The following MAD2L2 variants were observed in gnomAD, a reference collection of about 807,000 sequenced individuals.
MAD2L2 encodes the protein mitotic spindle assembly checkpoint protein MAD2B.
Under a neutral mutation model 30.5 loss-of-function variants are expected in MAD2L2, and 17 were observed. That is an observed-to-expected ratio of 0.56 (90% CI 0.38 to 0.84). The LOEUF is 0.84. Among genes scored for constraint, MAD2L2 ranks in the 40% least tolerant of loss-of-function variants. The pLI is 0.00. For synonymous variants in MAD2L2, 101 were observed against 113.9 expected, an observed-to-expected ratio of 0.89 and a Z score of 0.72; for missense variants, 213 against 277.4, an observed-to-expected ratio of 0.77 and a Z score of 1.65.
Position 11,680,299 on chromosome 1 carries a change from G to A in MAD2L2, c.159+54C>T, listed in dbSNP as rs1337806413. 3.0e-5 allele frequency: 44 copies of A among 1,477,016 alleles called. No individual in the cohort carries two copies. In the East Asian group the frequency reaches 6.5e-4, roughly 22 times the overall value. The allele number at this position is 1,477,016 out of a possible 1,614,324, so 91.5% of individuals were successfully genotyped here. A position where few individuals can be genotyped will look rare whatever the true frequency, so the allele number is the denominator to read the frequency against. On this transcript the variant is annotated intron_variant, in intron 3 of 8. Transcript: ENST00000376692. Reference sequence around the variant, plus strand: ...GCGTGAGCCACGGCGCCCGACCAAAGAATTTTTAAAAGTCCACCCTGTACC... The same window carrying A: ...GCGTGAGCCACGGCGCCCGACCAAAAAATTTTTAAAAGTCCACCCTGTACC...
intron 7 of MAD2L2, 85 bp from the exon 8 acceptor site, chr1:11,675,259 G>C: frequency 1.1e-6 from 1 of 901,468 alleles, no homozygotes; most frequent in Non-Finnish European, 1.7e-6. Context: ...TCCAGACCAG[G>C]GGCCTCCAAC....
chr1:11,677,036 G>A, intron 4 of MAD2L2, 88 bp from the exon 5 acceptor site: 2 of 1,012,566 alleles, frequency 2.0e-6, no homozygotes, highest in Non-Finnish European at 3.1e-6. Context: ...AAGGAAGGAG[G>A]AGAAACGGCC....
chr1:11,683,344 G>T (rs914159403), upstream of MAD2L2, among the ~76,000 whole-genome samples: 1 of 152,170 alleles, frequency 6.6e-6, no homozygotes, highest in Non-Finnish European at 1.5e-5. Flanking sequence ...TTTTCCTTGG[G>T]GAAACTGAGG....
At chr1:11,675,197 G>C in intron 7 of MAD2L2, 23 bp from the exon 8 acceptor site, 1 of 1,531,728 alleles carries the variant, frequency 6.5e-7, no homozygotes, top group Non-Finnish European at 8.9e-7. Context: ...CAAAGGTCAG[G>C]GGGGTGACGG....
rs1054692189 is a variant in MAD2L2, at chr1:11,679,385, A to G, written c.159+968T>C. ...GGACTGGAGCTACAGTGCGATGCACACTGCTTTGTCTGCCTTTTAGCCTTA... is the reference window on the plus strand; with the variant it reads ...GGACTGGAGCTACAGTGCGATGCACGCTGCTTTGTCTGCCTTTTAGCCTTA... On this transcript the variant is annotated intron_variant, in intron 3 of 8. Coordinates refer to ENST00000376692, the MANE Select transcript of MAD2L2 (RefSeq NM_006341.4). 2.6e-4 allele frequency among the ~76,000 whole-genome samples: 39 copies of G among 152,296 alleles called. 1 individual carries two copies. Among genetic ancestry groups the G allele is most frequent in the Admixed American group, 2.5e-3 (38 of 15,304 alleles).
chr1:11,681,388 A>G (rs1283474243), upstream of MAD2L2: 1 of 152,232 alleles, frequency 6.6e-6, no homozygotes, highest in African/African-American at 2.4e-5. Flanking sequence ...GGATCGCTAC[A>G]TATCTTCCCC....
At chr1:11,675,601 A>C in intron 7 of MAD2L2, 57 bp downstream of exon 7, 1 of 1,554,948 alleles carries the variant, frequency 6.4e-7, no homozygotes, top group Non-Finnish European at 8.9e-7. Flanking sequence ...GCCCGCCTGG[A>C]ACTGCGACAT....
At chr1:11,684,416 C>T (rs1640926565), upstream of MAD2L2, among the ~76,000 whole-genome samples, 1 of 151,976 alleles carries the variant, frequency 6.6e-6, no homozygotes, top group Non-Finnish European at 1.5e-5. Context: ...TGTAGGAGGG[C>T]GGCTGGGAAG....
exon 1 of MAD2L2, chr1:11,691,479 C>T (rs1365047431): frequency 2.0e-5 from 3 of 152,510 alleles, no homozygotes; most frequent in African/African-American, 7.2e-5. Context: ...CTTTGTCTGC[C>T]TCCTTTGTCT....
At chr1:11,681,162 C>G (rs1640872067), upstream of MAD2L2, 1 of 152,286 alleles carries the variant, frequency 6.6e-6, no homozygotes, top group Non-Finnish European at 1.5e-5. Context: ...GTTCACGGCG[C>G]TCCGGTGGGT....
chr1:11,677,233 C>T, intron 4 of MAD2L2: 1 of 599,614 alleles, frequency 1.7e-6, no homozygotes, highest in South Asian at 2.1e-5. Flanking sequence ...TCAGCTCAGA[C>T]AGAACGTTTA....
chr1:11,685,494 G>T (rs902224250), upstream of MAD2L2, among the ~76,000 whole-genome samples: 1 of 152,188 alleles, frequency 6.6e-6, no homozygotes, highest in Non-Finnish European at 1.5e-5. Context: ...CTGCTCATGT[G>T]TCCAACCTGC....
Position 11,680,452 on chromosome 1 carries a change from G to T in MAD2L2, c.60C>A (p.Cys20Ter). 6.2e-7 allele frequency: 1 copy of T among 1,613,834 alleles called. No individual in the cohort carries two copies. The highest frequency in any genetic ancestry group is 8.5e-7 in the Non-Finnish European group (1 of 1,179,868). ...GATGCACAGCCACCTCCAGGAACTC[G>T]CAGAGCACATCGGCCACCACTGCAG... Reference protein sequence around the residue: ...NFGQVVADVLCEFLEVAVHLI... With the variant: ...NFGQVVADVL Residue 20 changes from cysteine (C) to a stop codon, truncating the protein, a stop_gained, in exon 3 of 9, where the codon TGC (cysteine) becomes TGA (stop). Transcript: ENST00000376692. LOFTEE classifies it high-confidence loss of function.
At position 11,690,186 on chromosome 1, in the gene MAD2L2, G is replaced by GAC. The variant is rs1262678806; in HGVS notation, c.-692+1226_-692+1227insGT. ...CACTTATCTTCTGTCTCCTTCACTA[G>GAC]AATCTGAGCTCCATGGGGGCAGGGA... On this transcript the variant is annotated intron_variant, in intron 1 of 10. Coordinates refer to the MAD2L2 transcript ENST00000235310. The surrounding 1 kb of genome is among the most constrained non-coding windows in gnomAD (Gnocchi z 4.2). Among the ~76,000 whole-genome samples, 1 of 151,954 alleles carries GAC rather than the reference G, an allele frequency of 6.6e-6. No individual in the cohort carries two copies. Among genetic ancestry groups the GAC allele is most frequent in the Non-Finnish European group, 1.5e-5 (1 of 68,004 alleles).
intron 3 of MAD2L2, among the ~76,000 whole-genome samples, chr1:11,679,368 G>A (rs1267918217): frequency 2.0e-5 from 3 of 152,130 alleles, no homozygotes; most frequent in African/African-American, 7.2e-5. Context: ...AGGGACTGGA[G>A]CTACAGTGCG....
At chr1:11,684,925 TCTC>T (rs1256868040), upstream of MAD2L2, among the ~76,000 whole-genome samples, 53 of 77,504 alleles carry the variant, frequency 6.8e-4, 1 homozygote, top group Middle Eastern at 0.017. Flanking sequence ...TCTCTCTCTC[TCTC>T]TTTTTTTTTT....
rs374279848 is a variant in MAD2L2, at chr1:11,677,671, A to G, written c.160-57T>C. The G allele has an allele frequency of 2.9e-4, 422 of 1,457,178 alleles. 1 individual carries two copies. The highest frequency in any genetic ancestry group is 3.6e-4 in the Non-Finnish European group (380 of 1,050,268). The allele number at this position is 1,457,178 out of a possible 1,614,324, so 90.3% of individuals were successfully genotyped here. On this transcript the variant is annotated intron_variant, in intron 3 of 8. Coordinates refer to ENST00000376692, the MANE Select transcript of MAD2L2 (RefSeq NM_006341.4). ...CAAAGCACAGATGGGGAAACCACCCAACACAACCAGGAGCCTAAGGCCCCA... is the reference window on the plus strand; with the variant it reads ...CAAAGCACAGATGGGGAAACCACCCGACACAACCAGGAGCCTAAGGCCCCA...
intron 3 of MAD2L2, among the ~76,000 whole-genome samples, chr1:11,678,420 G>C (rs754700032): frequency 1.3e-5 from 2 of 152,180 alleles, no homozygotes; most frequent in Non-Finnish European, 1.5e-5. Flanking sequence ...CAAAGGAAAA[G>C]AAAGATAAGA....
In MAD2L2 at chr1:11,680,377, G is replaced by C. The variant is rs1389904945; in HGVS notation, c.135C>G (p.Arg45=). 6.2e-7 allele frequency: 1 copy of C among 1,613,904 alleles called. No individual in the cohort carries two copies. Among genetic ancestry groups the C allele is most frequent in the Non-Finnish European group, 8.5e-7 (1 of 1,179,904 alleles). ...CCTGGACCGGCACGTTGTACTTCTT[G>C]CGTTTCTGGAAGATGCCCACGGGGT... ...EVYPVGIFQK[R]KKYNVPVQMS... is the part of the protein sequence containing the mutation. The change falls in exon 3 of 9, where the codon CGC becomes CGG. Residue 45 remains arginine (R), a synonymous_variant. Coordinates refer to ENST00000376692, the MANE Select transcript of MAD2L2 (RefSeq NM_006341.4).
Sources: gnomAD v4.1 joint callset for allele counts (sites outside exome capture counted in the v4.1 genomes callset) on GRCh38, gnomAD v4.1.1 for gene constraint, Gnocchi (gnomAD v3.1) non-coding constraint, MANE v1.5 for transcripts, NCBI Gene and HGNC (gene_info 2026-07-23, HGNC 2026-07-21) for gene names.